RBFOX1: variants seen among roughly 807,000 people sequenced by gnomAD.
RBFOX1 encodes the protein RNA binding protein fox-1 homolog 1.
RBFOX1 carries 8 observed loss-of-function variants against 57.7 expected under a neutral mutation model. The ratio of observed to expected loss-of-function variants is 0.14; its 90% CI spans 0.08 to 0.25. The LOEUF is 0.25. Ranked by LOEUF, RBFOX1 falls within the 10% of genes least tolerant of loss-of-function variation. The pLI, the probability that RBFOX1 is intolerant of heterozygous loss-of-function variation, is 1.00. For missense variants in RBFOX1, 611 were observed against 548.5 expected (o/e 1.11, Z -1.14); for synonymous variants, 326 against 222.4 (o/e 1.47, Z -4.15).
chr16:7,402,197 C>T (rs529030786), intron 4 of RBFOX1, among the ~76,000 whole-genome samples: 1 of 152,058 alleles, frequency 6.6e-6, no homozygotes, highest in Admixed American at 6.6e-5. Flanking sequence ...TTTGAAAATA[C>T]ATTTAAGTAC....
chr16:6,108,201 T>C (rs534331100), intron 1 of RBFOX1, among the ~76,000 whole-genome samples: 1 of 152,132 alleles, frequency 6.6e-6, no homozygotes, highest in Non-Finnish European at 1.5e-5. Flanking sequence ...GTCTCTGTTG[T>C]TTTTTAGACC....
intron 4 of RBFOX1, among the ~76,000 whole-genome samples, chr16:7,128,059 A>C (rs543404544): frequency 1.3e-5 from 2 of 152,266 alleles, no homozygotes; most frequent in Non-Finnish European, 2.9e-5. Context: ...TCCTCTGGCA[A>C]ATTCTTCCTT....
At chr16:7,232,143 C>T (rs1339031353) in intron 4 of RBFOX1, among the ~76,000 whole-genome samples, 5 of 152,132 alleles carry the variant, frequency 3.3e-5, no homozygotes, top group African/African-American at 9.7e-5. Flanking sequence ...CCTGCTTCAG[C>T]CTCCTGAGTA....
intron 4 of RBFOX1, among the ~76,000 whole-genome samples, chr16:7,501,627 G>T (rs2070895820): frequency 6.6e-6 from 1 of 152,130 alleles, no homozygotes; most frequent in South Asian, 2.1e-4. Context: ...CTTTGATTCT[G>T]CCACTCAGAC....
intron 3 of RBFOX1, among the ~76,000 whole-genome samples, chr16:6,950,645 C>T (rs1236441727): frequency 6.6e-6 from 1 of 152,030 alleles, no homozygotes; most frequent in African/African-American, 2.4e-5. Context: ...CTCTAAATCT[C>T]TCTCAAGGAT....
intron 1 of RBFOX1, among the ~76,000 whole-genome samples, chr16:5,311,759 CT>C (rs1386075819): frequency 6.6e-6 from 1 of 152,246 alleles, no homozygotes; most frequent in African/African-American, 2.4e-5. Context: ...CTTTTTCTTG[CT>C]GATTTCAAAT....
intron 1 of RBFOX1, among the ~76,000 whole-genome samples, chr16:6,145,031 T>G (rs2096747005): frequency 6.6e-6 from 1 of 151,964 alleles, no homozygotes; most frequent in Non-Finnish European, 1.5e-5. Context: ...AATCATAGTA[T>G]CTCTTTTTTT....
intron 4 of RBFOX1, among the ~76,000 whole-genome samples, chr16:7,058,473 A>C (rs1202370030): frequency 2.6e-5 from 4 of 152,156 alleles, no homozygotes; most frequent in African/African-American, 9.7e-5. Context: ...AGACTTTGCA[A>C]CTTAGCACTT....
intron 1 of RBFOX1, among the ~76,000 whole-genome samples, chr16:5,430,042 G>C (rs1366487677): frequency 6.6e-6 from 1 of 152,196 alleles, no homozygotes; most frequent in Non-Finnish European, 1.5e-5. Flanking sequence ...TTTATGTTTA[G>C]AGGCTTCAAG....
chr16:7,046,765 C>T (rs1462722355), intron 3 of RBFOX1, among the ~76,000 whole-genome samples: 1 of 151,740 alleles, frequency 6.6e-6, no homozygotes, highest in Non-Finnish European at 1.5e-5. Context: ...GCCATCATGC[C>T]CAGCTAATTT....
intron 4 of RBFOX1, among the ~76,000 whole-genome samples, chr16:7,156,853 C>T (rs774306037): frequency 3.9e-5 from 6 of 151,962 alleles, no homozygotes; most frequent in Non-Finnish European, 5.9e-5. Context: ...ATGGCTAGAT[C>T]GATTTACTTT....
rs541549604 is a variant in RBFOX1, at chr16:6,757,990, C to T, written c.-16+103340C>T. On this transcript the variant is annotated intron_variant, in intron 3 of 15. Coordinates refer to ENST00000550418, the MANE Select transcript of RBFOX1 (RefSeq NM_018723.4). ...CAGGTTTTGTTGGTTGTTTTTAATG[C>T]GGCAGACCCTGTCCTCTATTACATT... is the stretch of plus-strand genomic sequence containing the variant. Among the ~76,000 whole-genome samples the T allele has an allele frequency of 1.4e-4, 21 of 152,146 alleles. No individual in the cohort carries two copies. In the East Asian group the frequency reaches 1.7e-3, roughly 13 times the overall value.
intron 1 of RBFOX1, among the ~76,000 whole-genome samples, chr16:6,275,259 C>T (rs940374622): frequency 4.6e-5 from 7 of 151,666 alleles, no homozygotes; most frequent in Non-Finnish European, 7.4e-5. Context: ...TGCAGTGAGC[C>T]GAGATCATGC....
intron 4 of RBFOX1, among the ~76,000 whole-genome samples, chr16:7,090,936 C>T (rs1033578909): frequency 3.9e-5 from 6 of 152,096 alleles, no homozygotes; most frequent in South Asian, 2.1e-4. Context: ...TATTTAATTC[C>T]GCCAGGATTA....
At chr16:6,583,113 C>G (rs1261169889) in intron 2 of RBFOX1, among the ~76,000 whole-genome samples, 1 of 152,080 alleles carries the variant, frequency 6.6e-6, no homozygotes, top group East Asian at 1.9e-4. Context: ...TGGATAGTAT[C>G]AGAGCCAGCA....
intron 1 of RBFOX1, among the ~76,000 whole-genome samples, chr16:6,209,693 C>G (rs1023467008): frequency 4.6e-5 from 7 of 152,304 alleles, no homozygotes; most frequent in Admixed American, 1.3e-4. Context: ...ACTGTCTGAT[C>G]TTCAGAAAGG....
chr16:5,923,950 A>T (rs1313149150), intron 4 of RBFOX1, among the ~76,000 whole-genome samples: 1 of 152,110 alleles, frequency 6.6e-6, no homozygotes, highest in Non-Finnish European at 1.5e-5. Flanking sequence ...ACAAAATCTC[A>T]TCTTGAATTG....
At chr16:6,394,631 A>AAT (rs757842862) in intron 2 of RBFOX1, among the ~76,000 whole-genome samples, 61 of 151,576 alleles carry the variant, frequency 4.0e-4, no homozygotes, top group South Asian at 1.2e-3. Context: ...CTAGGTATCT[A>AAT]ATATATATAT....
chr16:6,920,456 T>C (rs975581232), intron 3 of RBFOX1, among the ~76,000 whole-genome samples: 7 of 152,176 alleles, frequency 4.6e-5, no homozygotes, highest in African/African-American at 1.7e-4. Flanking sequence ...ACGAAAAAGT[T>C]AGATGTGTCC....
Sources: gnomAD v4.1 joint callset for allele counts (sites outside exome capture counted in the v4.1 genomes callset) on GRCh38, gnomAD v4.1.1 for gene constraint, MANE v1.5 for transcripts, NCBI Gene and HGNC (gene_info 2026-07-23, HGNC 2026-07-21) for gene names.